Variants in UNC13A observed in about 807,000 individuals in gnomAD.
UNC13A encodes the protein protein unc-13 homolog A.
Under a neutral mutation model 219.7 loss-of-function variants are expected in UNC13A, and 61 were observed. That is an observed-to-expected ratio of 0.28 (90% CI 0.23 to 0.34). The LOEUF is 0.34. Ranked by LOEUF, UNC13A falls within the 10% of genes least tolerant of loss-of-function variation. UNC13A has a pLI of 1.00. For missense variants in UNC13A, 1,476 were observed against 2,270.3 expected (o/e 0.65, Z 7.11); for synonymous variants, 920 against 884.6 (o/e 1.04, Z -0.71).
intron 2 of UNC13A, 87 bp downstream of exon 2, chr19:17,675,925 T>C: frequency 6.7e-7 from 1 of 1,485,582 alleles, no homozygotes; most frequent in Non-Finnish European, 9.2e-7. Context: ...CAACTCTAAG[T>C]CTGGGCTGGG....
Position 17,602,381 on chromosome 19 carries a change from C to T in UNC13A, c.*3673G>A, listed in dbSNP as rs971601531. Reference sequence around the variant, plus strand: ...CTGTCTCTGTGTTTTCTACTCTATTCCTCTTGGTCAGGGGACTTTGACTCT... The same window carrying T: ...CTGTCTCTGTGTTTTCTACTCTATTTCTCTTGGTCAGGGGACTTTGACTCT... On this transcript the variant is annotated 3_prime_UTR_variant, in exon 44 of 44. Transcript: ENST00000519716. The T allele has an allele frequency of 1.3e-5, 2 of 152,242 alleles. No homozygotes were observed. The highest frequency in any genetic ancestry group is 4.8e-5 in the African/African-American group (2 of 41,418). The allele number at this position is 152,242 out of a possible 1,614,324, so 9.4% of individuals were successfully genotyped here.
At chr19:17,640,031 A>C in intron 22 of UNC13A, 123 bp from the exon 23 acceptor site, 1 of 977,476 alleles carries the variant, frequency 1.0e-6, no homozygotes, top group Non-Finnish European at 1.5e-6. Context: ...TTTCCATTCT[A>C]TGGCATTTTT....
At chr19:17,642,003 C>G (rs1049874223) in intron 20 of UNC13A, among the ~76,000 whole-genome samples, 2 of 147,492 alleles carry the variant, frequency 1.4e-5, no homozygotes, top group Non-Finnish European at 3.0e-5. Context: ...CATCCACCCA[C>G]CCATTCATCC....
intron 4 of UNC13A, among the ~76,000 whole-genome samples, chr19:17,670,483 T>C (rs967430499): frequency 1.4e-5 from 2 of 148,024 alleles, no homozygotes; most frequent in African/African-American, 5.0e-5. Context: ...GCAATCCACC[T>C]GCCTCAGCCT....
Position 17,609,897 on chromosome 19 carries a change from C to T in UNC13A, c.4811+43G>A, listed in dbSNP as rs893344153. On this transcript the variant is annotated intron_variant, in intron 43 of 43. Transcript: ENST00000519716. Reference sequence around the variant, plus strand: ...GCTTTGGGGTTCACCTGGCGGATGCCCCCTCCCTTGCCCCCATGCTCTTCA... The same window carrying T: ...GCTTTGGGGTTCACCTGGCGGATGCTCCCTCCCTTGCCCCCATGCTCTTCA... 1.9e-6 allele frequency: 3 copies of T among 1,606,862 alleles called. No individual in the cohort carries two copies. In the African/African-American group the frequency reaches 4.0e-5, roughly 21 times the overall value.
chr19:17,666,181 C>CTCTTCTCTT (rs1568267695), intron 7 of UNC13A, among the ~76,000 whole-genome samples: 1 of 66,300 alleles, frequency 1.5e-5, no homozygotes, highest in Non-Finnish European at 3.1e-5. Context: ...CTTTCTTTCT[C>CTCTTCTCTT]TCTCTCTCTT....
intron 43 of UNC13A, among the ~76,000 whole-genome samples, chr19:17,607,105 G>A (rs1182000396): frequency 6.6e-6 from 1 of 151,976 alleles, no homozygotes; most frequent in East Asian, 1.9e-4. Context: ...ATCCCCTAAA[G>A]GGGCCAATCG....
At chr19:17,639,294 G>T in intron 24 of UNC13A, 77 bp from the exon 25 acceptor site, 1 of 1,598,454 alleles carries the variant, frequency 6.3e-7, no homozygotes. Context: ...AGTCATTTTG[G>T]GTTTAAGGAA....
intron 38 of UNC13A, 102 bp downstream of exon 38, chr19:17,620,591 A>T: frequency 9.7e-7 from 1 of 1,033,772 alleles, no homozygotes; most frequent in Non-Finnish European, 1.4e-6. Context: ...GGTTCACAGT[A>T]CGCCCTCGGA....
At chr19:17,671,549 T>C (rs1211315126) in intron 4 of UNC13A, among the ~76,000 whole-genome samples, 1 of 151,920 alleles carries the variant, frequency 6.6e-6, no homozygotes, top group African/African-American at 2.4e-5. Flanking sequence ...GGTGGGTGGA[T>C]TGCTTGAGCC....
chr19:17,614,898 G>A (rs1568501050), intron 41 of UNC13A, among the ~76,000 whole-genome samples: 1 of 152,188 alleles, frequency 6.6e-6, no homozygotes, highest in Non-Finnish European at 1.5e-5. Context: ...GGGTGCCAGG[G>A]GGAATTGGAC....
At position 17,617,783 on chromosome 19, in the gene UNC13A, A is replaced by T. The variant is rs1264141893; in HGVS notation, c.4477T>A (p.Ser1493Thr). The change falls in exon 41 of 44, where the codon TCC becomes ACC. Residue 1493 changes from serine (S) to threonine (T), a missense_variant. Coordinates refer to ENST00000519716, the MANE Select transcript of UNC13A (RefSeq NM_001080421.3). ...TAGAGCGACAGGGCATAGCGCAAGGATTGCAGGTCCGGGCTCTTCTCCAGG... is the reference window on the plus strand; with the variant it reads ...TAGAGCGACAGGGCATAGCGCAAGGTTTGCAGGTCCGGGCTCTTCTCCAGG... The part of the protein sequence containing the change: ...TFLEKSPDLQ[S>T]LRYALSLYTQ... The T allele has an allele frequency of 1.2e-6, 2 of 1,612,900 alleles. No homozygotes were observed. The highest frequency in any genetic ancestry group is 1.7e-6 in the Non-Finnish European group (2 of 1,179,484).
chr19:17,687,654 T>C (rs1338410889), intron 1 of UNC13A, among the ~76,000 whole-genome samples: 1 of 152,032 alleles, frequency 6.6e-6, no homozygotes. Context: ...GTGGATGCCC[T>C]GATGGCCAAG....
intron 1 of UNC13A, among the ~76,000 whole-genome samples, chr19:17,685,166 G>C (rs925048022): frequency 6.6e-6 from 1 of 151,874 alleles, no homozygotes; most frequent in Non-Finnish European, 1.5e-5. Flanking sequence ...GATATGTATG[G>C]GTACATGTCT....
intron 11 of UNC13A, among the ~76,000 whole-genome samples, chr19:17,654,078 C>T (rs548600863): frequency 7.2e-5 from 11 of 152,162 alleles, no homozygotes; most frequent in Middle Eastern, 6.8e-3. Flanking sequence ...CCACCCACCT[C>T]GGCCTCCCAA....
intron 1 of UNC13A, among the ~76,000 whole-genome samples, chr19:17,685,699 G>A (rs1325228255): frequency 6.6e-6 from 1 of 152,196 alleles, no homozygotes; most frequent in Non-Finnish European, 1.5e-5. Context: ...CCTACGGAAT[G>A]TGCCTTCCCA....
In UNC13A at chr19:17,648,602, A is replaced by C; in HGVS notation, c.1645T>G (p.Ser549Ala). 1 of 1,613,044 alleles carries C rather than the reference A, an allele frequency of 6.2e-7. No homozygotes were observed. Among genetic ancestry groups the C allele is most frequent in the Non-Finnish European group, 8.5e-7 (1 of 1,179,246 alleles). Residue 549 changes from serine (S) to alanine (A), a missense_variant, in exon 16 of 44, where the codon TCG becomes GCG. By Grantham distance (99) the Ser-to-Ala change is moderately conservative (BLOSUM62 1). Transcript: ENST00000519716. The stretch of plus-strand genomic sequence containing the variant: ...TCGAAGTTGTGTGGCGTCGTGCACG[A>C]GATGGGGTAGATTAAGGCTTGCAGG... ...KTLQALIYPI[S>A]CTTPHNFEVW...
intron 25 of UNC13A, among the ~76,000 whole-genome samples, chr19:17,637,966 A>G (rs2076929172): frequency 3.6e-5 from 1 of 27,872 alleles, no homozygotes. Context: ...CCTCAACTCA[A>G]TTCAAATGAG....
chr19:17,635,923 T>C, intron 26 of UNC13A, 101 bp downstream of exon 26: 1 of 1,422,842 alleles, frequency 7.0e-7, no homozygotes, highest in Middle Eastern at 1.9e-4. Context: ...CAGGTGCACA[T>C]TTGTGTAATT....
Sources: gnomAD v4.1 joint callset for allele counts (sites outside exome capture counted in the v4.1 genomes callset) on GRCh38, gnomAD v4.1.1 for gene constraint, MANE v1.5 for transcripts, NCBI Gene and HGNC (gene_info 2026-07-23, HGNC 2026-07-21) for gene names.